The following PRKN variants were observed in gnomAD, a reference collection of about 807,000 sequenced individuals.
PRKN encodes E3 ubiquitin-protein ligase parkin.
PRKN carries 56 observed loss-of-function variants against 59.5 expected under a neutral mutation model. The observed-to-expected ratio is 0.94, with a 90% CI of 0.76 to 1.18. PRKN has a LOEUF of 1.18. Ranked by LOEUF, PRKN falls within the 50% of genes most tolerant of loss-of-function variation. PRKN has a pLI of 0.00. For synonymous variants in PRKN, 250 were observed against 222.1 expected, an observed-to-expected ratio of 1.13 and a Z score of -1.12; for missense variants, 657 against 596.4, an observed-to-expected ratio of 1.10 and a Z score of -1.06.
chr6:161,574,320 G>C (rs1583247475), intron 7 of PRKN, among the ~76,000 whole-genome samples: 1 of 152,128 alleles, frequency 6.6e-6, no homozygotes, highest in African/African-American at 2.4e-5. Flanking sequence ...GTGGCAGAGA[G>C]GAAAACATGG....
At chr6:162,258,658 G>A (rs556683138) in intron 3 of PRKN, among the ~76,000 whole-genome samples, 15 of 152,322 alleles carry the variant, frequency 9.8e-5, no homozygotes, top group East Asian at 7.7e-4. Flanking sequence ...TGCTGGAAAC[G>A]CAACTTCTCA....
chr6:162,165,775 G>A, intron 4 of PRKN, among the ~76,000 whole-genome samples: 1 of 150,790 alleles, frequency 6.6e-6, no homozygotes. Context: ...GAGGCCGAGT[G>A]TGGTGGCTCA....
chr6:162,575,721 C>T (rs1780529762), intron 1 of PRKN, among the ~76,000 whole-genome samples: 1 of 152,176 alleles, frequency 6.6e-6, no homozygotes, highest in African/African-American at 2.4e-5. Context: ...ATGGCCAGGG[C>T]TACATCCCAG....
chr6:161,977,453 G>C (rs557576779), intron 5 of PRKN, among the ~76,000 whole-genome samples: 124 of 151,708 alleles, frequency 8.2e-4, no homozygotes, highest in Non-Finnish European at 1.6e-3. Flanking sequence ...ATCCTGAAGG[G>C]AAACATTGTC....
rs529709463 is a variant in PRKN, at chr6:161,464,455, T to A, written c.1084-77578A>T. Among the ~76,000 whole-genome samples, 125 of 152,338 alleles carry A rather than the reference T, an allele frequency of 8.2e-4. 2 individuals are homozygous for A. Among genetic ancestry groups the A allele is most frequent in the African/African-American group, 2.8e-3 (117 of 41,580 alleles). ...CTTCATCTATATATCATTTATATAA[T>A]ATGAAATATGTCAGTTTTAATTGTA... On this transcript the variant is annotated intron_variant, in intron 9 of 11. Coordinates refer to ENST00000366898, the MANE Select transcript of PRKN (RefSeq NM_004562.3).
intron 2 of PRKN, among the ~76,000 whole-genome samples, chr6:162,379,713 G>A (rs1786323716): frequency 6.6e-6 from 1 of 152,164 alleles, no homozygotes; most frequent in South Asian, 2.1e-4. Flanking sequence ...GTCTCCTGGG[G>A]ACGTCACATA....
intron 9 of PRKN, among the ~76,000 whole-genome samples, chr6:161,408,515 A>G (rs1787382760): frequency 6.9e-6 from 1 of 145,586 alleles, no homozygotes; most frequent in African/African-American, 2.5e-5. Context: ...ATTTACTGAC[A>G]TTGTCTAATG....
At chr6:162,620,195 G>T (rs1013151079) in intron 1 of PRKN, among the ~76,000 whole-genome samples, 47 of 151,946 alleles carry the variant, frequency 3.1e-4, no homozygotes, top group Non-Finnish European at 5.4e-4. Flanking sequence ...TCCTCAACAG[G>T]TTATCATTTA....
intron 2 of PRKN, among the ~76,000 whole-genome samples, chr6:162,374,112 G>A (rs1056676819): frequency 3.3e-5 from 5 of 152,196 alleles, no homozygotes; most frequent in African/African-American, 1.2e-4. Context: ...AAATACGCAA[G>A]GAGGCAGCTT....
rs73785579 is a variant in PRKN at position 162,626,156 on chromosome 6, T to G, written c.7+101506A>C. On this transcript the variant is annotated intron_variant, in intron 1 of 11. Coordinates refer to ENST00000366898, the MANE Select transcript of PRKN (RefSeq NM_004562.3). Reference sequence around the variant, plus strand: ...AGTGCAATCATTGATTAGTGCAATATTTCTGGTAGATTTGGGGTTAATCTG... The same window carrying G: ...AGTGCAATCATTGATTAGTGCAATAGTTCTGGTAGATTTGGGGTTAATCTG... Among the ~76,000 whole-genome samples, 637 of 152,298 alleles carry G rather than the reference T, an allele frequency of 4.2e-3. 6 individuals carry two copies. Among genetic ancestry groups the G allele is most frequent in the African/African-American group, 0.015 (611 of 41,562 alleles).
chr6:161,363,914 C>CT lies in PRKN; in HGVS notation c.1168-3710dup, dbSNP rs1440116579. 1.3e-5 allele frequency among the ~76,000 whole-genome samples: 2 copies of CT among 152,172 alleles called. No homozygotes were observed. The highest frequency in any genetic ancestry group is 4.8e-5 in the African/African-American group (2 of 41,436). ...GTGGTTCACGCCTGTAATCCAAGCA[C>CT]TTTGGGAGGCCAAGGCAGGCGGATC... On this transcript the variant is annotated intron_variant, in intron 10 of 11. Coordinates refer to ENST00000366898, the MANE Select transcript of PRKN (RefSeq NM_004562.3). The surrounding 1 kb of genome is among the most constrained non-coding windows in gnomAD (Gnocchi z 4.1).
chr6:162,384,617 G>A (rs552132286), intron 2 of PRKN, among the ~76,000 whole-genome samples: 1 of 134,332 alleles, frequency 7.4e-6, no homozygotes, highest in Non-Finnish European at 1.5e-5. Context: ...AGACTTGCTT[G>A]ATACAGGGTT....
At chr6:162,316,303 A>G (rs1033792665) in intron 2 of PRKN, among the ~76,000 whole-genome samples, 5 of 151,958 alleles carry the variant, frequency 3.3e-5, no homozygotes, top group Non-Finnish European at 1.5e-5. Flanking sequence ...ATGATACCTC[A>G]TGTCACTGGC....
chr6:161,773,321 C>T (rs1273639500), intron 7 of PRKN, among the ~76,000 whole-genome samples: 4 of 152,194 alleles, frequency 2.6e-5, no homozygotes, highest in Admixed American at 2.6e-4. Flanking sequence ...ACGTTAGAAT[C>T]CTCCCAGCCT....
Position 162,390,396 on chromosome 6 carries a change from T to TATATATATAC in PRKN, c.171+52913_171+52914insGTATATATAT, listed in dbSNP as rs1180636201. Reference sequence around the variant, plus strand: ...TAAGGTATATATATATATATATATATACACACACACACACACACACACACA... The same window carrying TATATATATAC: ...TAAGGTATATATATATATATATATATATATATATACACACACACACACACACACACACACA... On this transcript the variant is annotated intron_variant, in intron 2 of 11. Coordinates refer to ENST00000366898, the MANE Select transcript of PRKN (RefSeq NM_004562.3). Among the ~76,000 whole-genome samples the TATATATATAC allele has an allele frequency of 3.9e-4, 33 of 84,118 alleles. 1 individual carries two copies. Among genetic ancestry groups the TATATATATAC allele is most frequent in the East Asian group, 3.2e-3 (10 of 3,112 alleles). The allele number at this position is 84,118 out of a possible 152,430, so 55.2% of individuals were successfully genotyped here.
intron 4 of PRKN, among the ~76,000 whole-genome samples, chr6:162,084,866 T>C (rs997075845): frequency 1.3e-4 from 19 of 151,856 alleles, no homozygotes; most frequent in African/African-American, 4.6e-4. Flanking sequence ...AAGGCACAAT[T>C]AGGACAAAAT....
At chr6:162,424,883 T>A (rs922707470) in intron 2 of PRKN, among the ~76,000 whole-genome samples, 8 of 152,128 alleles carry the variant, frequency 5.3e-5, no homozygotes, top group African/African-American at 1.7e-4. Context: ...AACCCAGAAC[T>A]GCTGCTCTAA....
rs904757930 is a variant in PRKN, at chr6:161,359,872, G to C, written c.1285+216C>G. Among the ~76,000 whole-genome samples, 4 of 152,120 alleles carry C rather than the reference G, an allele frequency of 2.6e-5. No individual in the cohort carries two copies. The highest frequency in any genetic ancestry group is 6.5e-5 in the Admixed American group (1 of 15,280). On this transcript the variant is annotated intron_variant, in intron 11 of 11. Coordinates refer to ENST00000366898, the MANE Select transcript of PRKN (RefSeq NM_004562.3). The surrounding 1 kb of genome is among the most constrained non-coding windows in gnomAD (Gnocchi z 5.4). Reference sequence around the variant, plus strand: ...CTTTCCAACCACATAAATGCTAACTGTGTGCCTCACATAGCCATGGAACTA... The same window carrying C: ...CTTTCCAACCACATAAATGCTAACTCTGTGCCTCACATAGCCATGGAACTA...
In PRKN at chr6:161,538,134, C is replaced by T. The variant is rs1433072890; in HGVS notation, c.1083+10720G>A. 6.6e-6 allele frequency among the ~76,000 whole-genome samples: 1 copy of T among 152,092 alleles called. No homozygotes were observed. The highest frequency in any genetic ancestry group is 2.1e-4 in the South Asian group (1 of 4,826). On this transcript the variant is annotated intron_variant, in intron 9 of 11. Transcript: ENST00000366898. The surrounding 1 kb of genome is among the most constrained non-coding windows in gnomAD (Gnocchi z 4.2). ...TCTACAGAAAGGAGGAAGAAAATTGCTTTTTGGAAGTGCAGCAATAGGCCC... is the reference window on the plus strand; with the variant it reads ...TCTACAGAAAGGAGGAAGAAAATTGTTTTTTGGAAGTGCAGCAATAGGCCC...
Sources: allele counts gnomAD v4.1 joint callset (sites outside exome capture counted in the v4.1 genomes callset), GRCh38; gene constraint gnomAD v4.1.1; non-coding constraint Gnocchi (gnomAD v3.1); transcripts MANE v1.5; gene names NCBI Gene and HGNC (gene_info 2026-07-23, HGNC 2026-07-21).